Variants in CTNNA1 observed in about 807,000 individuals in gnomAD.
CTNNA1 encodes the protein catenin alpha-1.
Under a neutral mutation model 98.4 loss-of-function variants are expected in CTNNA1, and 37 were observed. The observed-to-expected ratio is 0.38, with a 90% CI of 0.29 to 0.49. The LOEUF (loss-of-function observed/expected upper bound fraction) is 0.49, where lower values mean the gene tolerates loss of function less well. Among genes scored for constraint, CTNNA1 ranks in the 20% least tolerant of loss-of-function variants. CTNNA1 has a pLI of 0.95. For synonymous variants in CTNNA1, 404 were observed against 413.2 expected (o/e 0.98, Z 0.27); for missense variants, 761 against 1,147.2 (o/e 0.66, Z 4.86).
chr5:138,824,941 T>C (rs1581168692), intron 6 of CTNNA1, 142 bp downstream of exon 6: 2 of 758,878 alleles, frequency 2.6e-6, no homozygotes, highest in East Asian at 5.2e-5. Context: ...AAATTATGAA[T>C]CATCAGTCTA....
At position 138,824,003 on chromosome 5, in the gene CTNNA1, A is replaced by G. The variant is rs1328339324; in HGVS notation, c.589-527A>G. On this transcript the variant is annotated intron_variant, in intron 5 of 17. Transcript: ENST00000302763. ...AAAAAAAAATTATGTAACTTGATAA[A>G]AAATAATACTCATAATAAGTCTTAC... Among the ~76,000 whole-genome samples, 4 of 150,594 alleles carry G rather than the reference A, an allele frequency of 2.7e-5. No homozygotes were observed. In the Admixed American group the frequency reaches 2.7e-4, roughly 10 times the overall value.
chr5:138,801,081 G>C (rs565520146), intron 3 of CTNNA1, among the ~76,000 whole-genome samples: 1 of 152,168 alleles, frequency 6.6e-6, no homozygotes, highest in Non-Finnish European at 1.5e-5. Flanking sequence ...GAACTGCTCA[G>C]GTGGAGATGA....
chr5:138,790,923 G>A (rs985054279), intron 3 of CTNNA1: 8 of 152,142 alleles, frequency 5.3e-5, no homozygotes, highest in Admixed American at 4.6e-4. Flanking sequence ...TTATTCTCAT[G>A]GCAAACACTG....
At chr5:138,897,455 G>A (rs1461548909) in intron 9 of CTNNA1, among the ~76,000 whole-genome samples, 3 of 152,080 alleles carry the variant, frequency 2.0e-5, no homozygotes, top group Admixed American at 1.3e-4. Context: ...ATGTGGTAAA[G>A]TGGCCTTGAA....
intron 1 of CTNNA1, among the ~76,000 whole-genome samples, chr5:138,755,486 C>T (rs1402848948): frequency 1.3e-5 from 2 of 152,158 alleles, no homozygotes; most frequent in Admixed American, 1.3e-4. Context: ...CTCTCGTACC[C>T]AGGGTTCTTT....
At chr5:138,795,142 T>G (rs1581038885) in intron 3 of CTNNA1, among the ~76,000 whole-genome samples, 3 of 102,348 alleles carry the variant, frequency 2.9e-5, no homozygotes, top group African/African-American at 4.1e-5. Flanking sequence ...GGTGAAGGAG[T>G]GAGACTCTCA....
Position 138,873,128 on chromosome 5 carries a change from A to C in CTNNA1, c.1063-13084A>C. 6.2e-7 allele frequency: 1 copy of C among 1,613,974 alleles called. No homozygotes were observed. The highest frequency in any genetic ancestry group is 1.3e-5 in the African/African-American group (1 of 75,038). On this transcript the variant is annotated intron_variant, in intron 7 of 17. Coordinates refer to ENST00000302763, the MANE Select transcript of CTNNA1 (RefSeq NM_001903.5). This position sits in a 1 kb window ranked among gnomAD's most constrained non-coding sequence, Gnocchi z 6.1. ...TTCATTATACGGTCCTTGGTCTGAC[A>C]TGTTTGACATATGGAGTCGTGTTTG... is the stretch of plus-strand genomic sequence containing the variant.
chr5:138,798,270 A>G (rs562318848), intron 3 of CTNNA1, among the ~76,000 whole-genome samples: 17 of 152,208 alleles, frequency 1.1e-4, no homozygotes, highest in Non-Finnish European at 2.5e-4. Context: ...GGAGATGTGT[A>G]CTCATTTTAC....
At chr5:138,795,151 CAAAAAAAAAA>C (rs35532090) in intron 3 of CTNNA1, among the ~76,000 whole-genome samples, 1 of 81,676 alleles carries the variant, frequency 1.2e-5, no homozygotes, top group Non-Finnish European at 2.4e-5. Context: ...GTGAGACTCT[CAAAAAAAAAA>C]AAAAAAAAAA....
chr5:138,846,978 A>G (rs1009380117), intron 7 of CTNNA1, among the ~76,000 whole-genome samples: 6 of 152,292 alleles, frequency 3.9e-5, no homozygotes, highest in African/African-American at 7.2e-5. Context: ...AAAAGGAACT[A>G]ATTTTTCTAT....
intron 7 of CTNNA1, chr5:138,871,019 G>A (rs1000185378): frequency 4.6e-5 from 7 of 152,124 alleles, no homozygotes; most frequent in African/African-American, 1.7e-4. Context: ...CATTTTTACT[G>A]TAATTTGTGA....
chr5:138,832,605 CAT>C (rs553444460), intron 7 of CTNNA1, among the ~76,000 whole-genome samples: 40 of 152,152 alleles, frequency 2.6e-4, no homozygotes, highest in African/African-American at 6.5e-4. Flanking sequence ...GAAATTCAGA[CAT>C]GTGCATTAAA....
intron 7 of CTNNA1, among the ~76,000 whole-genome samples, chr5:138,857,599 G>A (rs1223803818): frequency 6.6e-6 from 1 of 152,132 alleles, no homozygotes; most frequent in Non-Finnish European, 1.5e-5. Flanking sequence ...TTACAGATGT[G>A]AGCCTACCAC....
At chr5:138,927,824 G>A (rs967481423) in intron 13 of CTNNA1, among the ~76,000 whole-genome samples, 11 of 152,166 alleles carry the variant, frequency 7.2e-5, no homozygotes, top group African/African-American at 2.7e-4. Flanking sequence ...GATGTTAGGA[G>A]GTGGTCCTTT....
At chr5:138,859,968 C>T (rs1764107266) in intron 7 of CTNNA1, among the ~76,000 whole-genome samples, 1 of 152,098 alleles carries the variant, frequency 6.6e-6, no homozygotes, top group African/African-American at 2.4e-5. Context: ...CCCAGACTCC[C>T]TTCTCAATTT....
At chr5:138,886,080 C>G in intron 7 of CTNNA1, 132 bp from the exon 8 acceptor site, 1 of 928,616 alleles carries the variant, frequency 1.1e-6, no homozygotes, top group Non-Finnish European at 1.6e-6. Context: ...CTCTGCTCCC[C>G]AGTATTTTCC....
In CTNNA1 at chr5:138,925,316, C is replaced by T. The variant is rs892478752; in HGVS notation, c.1808C>T (p.Ala603Val). 1 of 1,614,022 alleles carries T rather than the reference C, an allele frequency of 6.2e-7. No individual in the cohort carries two copies. The highest frequency in any genetic ancestry group is 8.5e-7 in the Non-Finnish European group (1 of 1,180,040). Residue 603 changes from alanine to valine, a missense_variant, in exon 13 of 18, where the codon GCC becomes GTC. Transcript: ENST00000302763. The stretch of plus-strand genomic sequence containing the variant: ...GTGGAAGCCCTCAGCTCGGACCCTG[C>T]CCAGCCCATGGATGAGAATGAGTTT... ...AAVEALSSDP[A>V]QPMDENEFID...
chr5:138,838,266 A>C (rs1001281278), intron 7 of CTNNA1, among the ~76,000 whole-genome samples: 1 of 152,240 alleles, frequency 6.6e-6, no homozygotes, highest in African/African-American at 2.4e-5. Context: ...TATAAAACTA[A>C]GTTATGTATT....
chr5:138,793,259 TTAAAC>T, intron 3 of CTNNA1, among the ~76,000 whole-genome samples: 1 of 152,370 alleles, frequency 6.6e-6, no homozygotes, highest in South Asian at 2.1e-4. Flanking sequence ...TCTGCCTGAC[TTAAAC>T]TATAAGTCTT....
Sources: gnomAD v4.1 joint callset for allele counts (sites outside exome capture counted in the v4.1 genomes callset) on GRCh38, gnomAD v4.1.1 for gene constraint, Gnocchi (gnomAD v3.1) non-coding constraint, MANE v1.5 for transcripts, NCBI Gene and HGNC (gene_info 2026-07-23, HGNC 2026-07-21) for gene names.